The following DNAI1 variants were observed in gnomAD, a reference collection of about 807,000 sequenced individuals.
DNAI1 encodes the protein dynein axonemal intermediate chain 1, also known as dynein, axonemal, intermediate polypeptide 1.
A neutral mutation model predicts 92.0 loss-of-function variants in DNAI1; 67 were observed. The observed-to-expected ratio is 0.73, with a 90% CI of 0.60 to 0.89. DNAI1 has a LOEUF of 0.89. Among genes scored for constraint, DNAI1 ranks in the 40% least tolerant of loss-of-function variants. DNAI1 has a pLI of 0.00. For missense variants in DNAI1, 839 were observed against 866.6 expected (o/e 0.97, Z 0.40); for synonymous variants, 323 against 319.6 (o/e 1.01, Z -0.11).
chr9:34,490,284 A>G lies in DNAI1; in HGVS notation c.502-85A>G. ...CATCACTCTCTCCTACCTCTGTCCT[A>G]TCCTAGGACAGGGCTTGCCCCATCT... On this transcript the variant is annotated intron_variant, in intron 6 of 19. Coordinates refer to ENST00000242317, the MANE Select transcript of DNAI1 (RefSeq NM_012144.4). The G allele has an allele frequency of 1.7e-5, 27 of 1,611,592 alleles. 1 individual carries two copies. In the South Asian group the frequency reaches 3.0e-4, roughly 18 times the overall value.
At chr9:34,504,191 A>G (rs1349090874) in intron 12 of DNAI1, among the ~76,000 whole-genome samples, 3 of 152,156 alleles carry the variant, frequency 2.0e-5, no homozygotes, top group African/African-American at 7.2e-5. Context: ...AAAGGGGCCA[A>G]TGTCAGGCTC....
At chr9:34,468,597 G>A (rs1220904500) in intron 1 of DNAI1, among the ~76,000 whole-genome samples, 2 of 151,904 alleles carry the variant, frequency 1.3e-5, no homozygotes, top group South Asian at 2.1e-4. Context: ...AGGATGAGAC[G>A]GGAGGATCAC....
At position 34,485,255 on chromosome 9, in the gene DNAI1, T is replaced by C; in HGVS notation, c.180+15T>C. On this transcript the variant is annotated intron_variant, in intron 3 of 19. Transcript: ENST00000242317. Reference sequence around the variant, plus strand: ...TGACCGATGCGGTGAGTGAGTAGCCTCTTGTTCTTGCTCCTTGTACCTCTT... The same window carrying C: ...TGACCGATGCGGTGAGTGAGTAGCCCCTTGTTCTTGCTCCTTGTACCTCTT... 6.2e-7 allele frequency: 1 copy of C among 1,614,034 alleles called. No homozygotes were observed.
intron 1 of DNAI1, among the ~76,000 whole-genome samples, chr9:34,469,593 T>C (rs147461159): frequency 6.6e-6 from 1 of 152,062 alleles, no homozygotes; most frequent in Non-Finnish European, 1.5e-5. Context: ...TTTTTGGTTG[T>C]TTGAGACAGA....
intron 16 of DNAI1, 147 bp downstream of exon 16, chr9:34,513,338 A>G: frequency 1.4e-6 from 1 of 710,104 alleles, no homozygotes. Context: ...GTATTTCTTG[A>G]CCTGCTTGGG....
chr9:34,487,735 C>A (rs1824502145), intron 4 of DNAI1, among the ~76,000 whole-genome samples: 1 of 152,088 alleles, frequency 6.6e-6, no homozygotes, highest in African/African-American at 2.4e-5. Flanking sequence ...TCTTCTTGCC[C>A]CTCATTTAGG....
At chr9:34,481,739 C>A (rs561890292) in intron 1 of DNAI1, among the ~76,000 whole-genome samples, 2 of 152,104 alleles carry the variant, frequency 1.3e-5, no homozygotes, top group Admixed American at 6.5e-5. Flanking sequence ...TGGAGTTGTT[C>A]GTTCCTCCTG....
At position 34,490,007 on chromosome 9, in the gene DNAI1, C is replaced by G; in HGVS notation, c.389-5C>G. The G allele has an allele frequency of 6.2e-7, 1 of 1,614,000 alleles. No homozygotes were observed. Among genetic ancestry groups the G allele is most frequent in the Non-Finnish European group, 8.5e-7 (1 of 1,179,968 alleles). ...CTTTGAACTCATTGGCAGTATCCTACCAAGGTTCTCAGGAGTCTGTCAAGG... is the reference window on the plus strand; with the variant it reads ...CTTTGAACTCATTGGCAGTATCCTAGCAAGGTTCTCAGGAGTCTGTCAAGG... On this transcript the variant is annotated splice_polypyrimidine_tract_variant and splice_region_variant and intron_variant, in intron 5 of 19. Transcript: ENST00000242317.
intron 12 of DNAI1, among the ~76,000 whole-genome samples, chr9:34,503,042 G>C (rs575563463): frequency 6.6e-6 from 1 of 152,158 alleles, no homozygotes; most frequent in African/African-American, 2.4e-5. Context: ...CAGGGAGCCC[G>C]AGCAGAGAAG....
chr9:34,520,856 T>A lies in DNAI1; in HGVS notation c.*100T>A. 1 of 1,126,546 alleles carries A rather than the reference T, an allele frequency of 8.9e-7. No individual in the cohort carries two copies. The highest frequency in any genetic ancestry group is 1.3e-6 in the Non-Finnish European group (1 of 761,036). The allele number at this position is 1,126,546 out of a possible 1,614,324, so 69.8% of individuals were successfully genotyped here. A position where few individuals can be genotyped will look rare whatever the true frequency, so the allele number is the denominator to read the frequency against. The stretch of plus-strand genomic sequence containing the variant: ...CTTAGCACCCAGCATGTGACCCCAC[T>A]CCTGATCAGGTCCCAGCATCTTCCC... On this transcript the variant is annotated 3_prime_UTR_variant, in exon 20 of 20. Coordinates refer to ENST00000242317, the MANE Select transcript of DNAI1 (RefSeq NM_012144.4).
intron 9 of DNAI1, among the ~76,000 whole-genome samples, chr9:34,494,878 C>T (rs1374342981): frequency 2.6e-5 from 4 of 152,156 alleles, no homozygotes; most frequent in African/African-American, 9.7e-5. Flanking sequence ...ATTAGAAATC[C>T]CAAGTACTGG....
chr9:34,506,567 G>A (rs1429755912), intron 12 of DNAI1, 60 bp from the exon 13 acceptor site: 6 of 1,611,046 alleles, frequency 3.7e-6, no homozygotes, highest in Non-Finnish European at 5.1e-6. Context: ...GGGGTGAGGG[G>A]GCTTCTCCAG....
chr9:34,494,343 C>T (rs1397562658), intron 9 of DNAI1, among the ~76,000 whole-genome samples: 1 of 152,032 alleles, frequency 6.6e-6, no homozygotes, highest in African/African-American at 2.4e-5. Context: ...AGGAACTGTC[C>T]CAATGCTGTT....
intron 2 of DNAI1, among the ~76,000 whole-genome samples, chr9:34,484,103 T>C (rs1824426979): frequency 6.6e-6 from 1 of 151,974 alleles, no homozygotes; most frequent in Non-Finnish European, 1.5e-5. Context: ...TAGTCCCAAC[T>C]ATTTGGGAGG....
chr9:34,500,639 A>G, intron 10 of DNAI1, 83 bp from the exon 11 acceptor site: 1 of 884,410 alleles, frequency 1.1e-6, no homozygotes, highest in Non-Finnish European at 1.9e-6. Context: ...GTTTTGCCCA[A>G]GGAGGTACAG....
At chr9:34,500,668 G>T in intron 10 of DNAI1, 54 bp from the exon 11 acceptor site, 2 of 1,297,406 alleles carry the variant, frequency 1.5e-6, no homozygotes, top group East Asian at 2.3e-5. Context: ...TGGTGGACCT[G>T]GGTTTGCCAT....
At chr9:34,512,864 GCC>G (rs1825094059) in intron 15 of DNAI1, among the ~76,000 whole-genome samples, 1 of 152,128 alleles carries the variant, frequency 6.6e-6, no homozygotes, top group Admixed American at 6.5e-5. Flanking sequence ...GTTTACCCAG[GCC>G]CCCATTCCTG....
Position 34,520,772 on chromosome 9 carries a change from C to G in DNAI1, c.*16C>G, listed in dbSNP as rs1300567316. 1 of 1,551,008 alleles carries G rather than the reference C, an allele frequency of 6.4e-7. No homozygotes were observed. Among genetic ancestry groups the G allele is most frequent in the Admixed American group, 2.0e-5 (1 of 50,998 alleles). On this transcript the variant is annotated 3_prime_UTR_variant, in exon 20 of 20. Coordinates refer to ENST00000242317, the MANE Select transcript of DNAI1 (RefSeq NM_012144.4). ...CAAGACCTGAGGGGCTGGCCTCAGTCTCTGTCCCATCGCTTGAATACAGTA... is the reference window on the plus strand; with the variant it reads ...CAAGACCTGAGGGGCTGGCCTCAGTGTCTGTCCCATCGCTTGAATACAGTA...
Position 34,512,032 on chromosome 9 carries a change from G to A in DNAI1, c.1312-77G>A. 3 of 1,423,628 alleles carry A rather than the reference G, an allele frequency of 2.1e-6. No homozygotes were observed. In the South Asian group the frequency reaches 3.4e-5, roughly 16 times the overall value. The allele number at this position is 1,423,628 out of a possible 1,614,324, so 88.2% of individuals were successfully genotyped here. A position where few individuals can be genotyped will look rare whatever the true frequency, so the allele number is the denominator to read the frequency against. On this transcript the variant is annotated intron_variant, in intron 13 of 19. Coordinates refer to ENST00000242317, the MANE Select transcript of DNAI1 (RefSeq NM_012144.4). The stretch of plus-strand genomic sequence containing the variant: ...CTTCTGAGCCTCAGATGGGTGCTTG[G>A]GGGAGCCCTGCTCTGCCCACAGCCC...
Sources: allele counts gnomAD v4.1 joint callset (sites outside exome capture counted in the v4.1 genomes callset), GRCh38; gene constraint gnomAD v4.1.1; transcripts MANE v1.5; gene names NCBI Gene and HGNC (gene_info 2026-07-23, HGNC 2026-07-21).